The following MAGI2 variants were observed in gnomAD, a reference collection of about 807,000 sequenced individuals.
MAGI2 encodes the protein membrane associated guanylate kinase, WW and PDZ domain containing 2.
MAGI2 carries 35 observed loss-of-function variants against 133.3 expected under a neutral mutation model. The observed-to-expected ratio is 0.26, with a 90% CI of 0.20 to 0.35. MAGI2 has a LOEUF of 0.35. Among genes scored for constraint, MAGI2 ranks in the 10% least tolerant of loss-of-function variants. The pLI is 1.00. For missense variants in MAGI2, 1,636 were observed against 1,863.4 expected, an observed-to-expected ratio of 0.88 and a Z score of 2.25; for synonymous variants, 729 against 710.6, an observed-to-expected ratio of 1.03 and a Z score of -0.41.
intron 1 of MAGI2, among the ~76,000 whole-genome samples, chr7:79,280,656 C>T (rs1835565241): frequency 6.6e-6 from 1 of 151,744 alleles, no homozygotes; most frequent in African/African-American, 2.4e-5. Flanking sequence ...GGTCTGGGAG[C>T]CATGACTTAT....
At chr7:78,664,558 G>A (rs1031510240) in intron 2 of MAGI2, among the ~76,000 whole-genome samples, 1 of 151,584 alleles carries the variant, frequency 6.6e-6, no homozygotes, top group African/African-American at 2.4e-5. Context: ...TTCTACTTTT[G>A]AATAATTTTC....
rs1461505776 is a variant in MAGI2, at chr7:78,160,068, G to T, written c.2802C>A (p.Val934=). The T allele has an allele frequency of 6.2e-7, 1 of 1,603,442 alleles. No individual in the cohort carries two copies. The highest frequency in any genetic ancestry group is 1.3e-5 in the African/African-American group (1 of 74,850). ...CAGGCCTGTTCAGGGAGCTGATGAT[G>T]ACAAAGCCGAAGCCCTCATTCTCTT... ...HRKENEGFGF[V]IISSLNRPES... is the part of the protein sequence containing the mutation. Residue 934 remains valine (V), a synonymous_variant, in exon 16 of 22, where the codon GTC becomes GTA. Transcript: ENST00000354212.
intron 2 of MAGI2, among the ~76,000 whole-genome samples, chr7:78,789,448 CATG>C (rs2151364022): frequency 6.6e-6 from 1 of 152,304 alleles, no homozygotes; most frequent in South Asian, 2.1e-4. Flanking sequence ...TATTGCCTGC[CATG>C]ATGATTTCTT....
chr7:78,944,524 C>T (rs1801249388), intron 2 of MAGI2, among the ~76,000 whole-genome samples: 1 of 151,886 alleles, frequency 6.6e-6, no homozygotes, highest in African/African-American at 2.4e-5. Context: ...CATAAAATAC[C>T]CAAGCCTGTT....
chr7:78,660,348 T>A (rs2151039195), intron 2 of MAGI2, among the ~76,000 whole-genome samples: 1 of 152,262 alleles, frequency 6.6e-6, no homozygotes, highest in Middle Eastern at 3.4e-3. Flanking sequence ...CAATGTTAAC[T>A]TTTCTTAAGA....
chr7:78,050,068 G>A (rs978355849), intron 21 of MAGI2, among the ~76,000 whole-genome samples: 2 of 152,258 alleles, frequency 1.3e-5, no homozygotes, highest in South Asian at 2.1e-4. Context: ...TGATACTTAC[G>A]TAAAAGGTCA....
chr7:78,018,643 G>A lies in MAGI2; in HGVS notation c.*672C>T, dbSNP rs1563004749. The A allele has an allele frequency of 6.6e-6, 1 of 152,526 alleles. No individual in the cohort carries two copies. Among genetic ancestry groups the A allele is most frequent in the African/African-American group, 2.4e-5 (1 of 41,396 alleles). 9.4% of individuals were successfully genotyped at this position (152,526 alleles called of 1,614,324 possible). ...CAGAAATATGATTTGATCACAGAAA[G>A]GGCAATAAAAATGGCATCACACCAA... is the stretch of plus-strand genomic sequence containing the variant. On this transcript the variant is annotated 3_prime_UTR_variant, in exon 22 of 22. Transcript: ENST00000354212.
rs144602220 is a variant in MAGI2 at position 78,406,993 on chromosome 7, A to G, written c.1046-37780T>C. Among the ~76,000 whole-genome samples the G allele has an allele frequency of 3.9e-3, 594 of 152,186 alleles. 8 individuals are homozygous for G. The highest frequency in any genetic ancestry group is 0.014 in the African/African-American group (564 of 41,548). On this transcript the variant is annotated intron_variant, in intron 6 of 21. Transcript: ENST00000354212. ...GGACATGCAGCACAAAAAAAGCCCA[A>G]AAAATCCTCTTCTGAAGAAGCAGTG...
At chr7:79,122,386 G>T (rs1251049821) in intron 1 of MAGI2, among the ~76,000 whole-genome samples, 1 of 152,110 alleles carries the variant, frequency 6.6e-6, no homozygotes, top group Admixed American at 6.5e-5. Flanking sequence ...GGACAAAACT[G>T]TCTCGGGAAA....
At chr7:79,413,552 C>T (rs1846283406) in intron 1 of MAGI2, 1 of 152,272 alleles carries the variant, frequency 6.6e-6, no homozygotes, top group South Asian at 2.1e-4. Flanking sequence ...TGCTGGGGAC[C>T]CACCACTCCT....
At chr7:78,150,162 C>A (rs1227630465) in intron 16 of MAGI2, among the ~76,000 whole-genome samples, 5 of 152,250 alleles carry the variant, frequency 3.3e-5, no homozygotes, top group Admixed American at 1.3e-4. Flanking sequence ...TAGAAGCACT[C>A]CCTAAGTTCC....
At chr7:78,712,222 G>C (rs1208242224) in intron 2 of MAGI2, among the ~76,000 whole-genome samples, 1 of 152,104 alleles carries the variant, frequency 6.6e-6, no homozygotes, top group African/African-American at 2.4e-5. Flanking sequence ...ATTTAAGCTG[G>C]ATGTGATGCA....
chr7:79,377,429 C>T (rs188752843), intron 1 of MAGI2, among the ~76,000 whole-genome samples: 13 of 151,828 alleles, frequency 8.6e-5, no homozygotes, highest in Admixed American at 7.9e-4. Context: ...CGCTGGAGGA[C>T]GAGATTCATT....
chr7:78,060,027 C>A (rs1206235464), intron 21 of MAGI2, among the ~76,000 whole-genome samples: 1 of 152,122 alleles, frequency 6.6e-6, no homozygotes. Flanking sequence ...TGTAGCCCAG[C>A]AGCACTGGCA....
intron 2 of MAGI2, among the ~76,000 whole-genome samples, chr7:78,753,717 CAAA>C (rs560397759): frequency 3.9e-5 from 5 of 126,612 alleles, no homozygotes; most frequent in African/African-American, 1.5e-4. Flanking sequence ...ACTTAACTAG[CAAA>C]AAAAAAAAAA....
chr7:78,951,149 T>C (rs1226426118), intron 2 of MAGI2, among the ~76,000 whole-genome samples: 1 of 151,848 alleles, frequency 6.6e-6, no homozygotes, highest in Non-Finnish European at 1.5e-5. Flanking sequence ...TTTTTTGTAT[T>C]TTTAGTAGGG....
chr7:78,529,668 GTTTTTTTTTTTTTTTTTTTTT>G (rs554010061), intron 3 of MAGI2, among the ~76,000 whole-genome samples: 25 of 57,432 alleles, frequency 4.4e-4, no homozygotes, highest in African/African-American at 1.4e-3. Flanking sequence ...AAAGGAGATG[GTTTTTTTTTTTTTTTTTTTTT>G]TTTTTTTTTT....
chr7:78,017,522 T>C lies in MAGI2; in HGVS notation c.*1793A>G, dbSNP rs1354459308. On this transcript the variant is annotated 3_prime_UTR_variant, in exon 22 of 22. Coordinates refer to ENST00000354212, the MANE Select transcript of MAGI2 (RefSeq NM_012301.4). ...CAGATTCAATAAATTAATGGCAAAC[T>C]ATACTGGATTTCTAGTCCAGGGGAG... 1.3e-5 allele frequency: 2 copies of C among 152,518 alleles called. No individual in the cohort carries two copies. The highest frequency in any genetic ancestry group is 4.8e-5 in the African/African-American group (2 of 41,458). 9.4% of individuals were successfully genotyped at this position (152,518 alleles called of 1,614,324 possible).
intron 3 of MAGI2, among the ~76,000 whole-genome samples, chr7:78,605,620 G>A (rs757333451): frequency 3.3e-5 from 5 of 152,102 alleles, no homozygotes; most frequent in Admixed American, 2.6e-4. Context: ...GAAGCCTATC[G>A]GGGACATAGA....
Sources: gnomAD v4.1 joint callset for allele counts (sites outside exome capture counted in the v4.1 genomes callset) on GRCh38, gnomAD v4.1.1 for gene constraint, MANE v1.5 for transcripts, NCBI Gene and HGNC (gene_info 2026-07-23, HGNC 2026-07-21) for gene names.